Variants in FMN1 observed in about 807,000 individuals in gnomAD.
The protein encoded by FMN1 is formin-1.
A neutral mutation model predicts 132.4 loss-of-function variants in FMN1; 110 were observed. The ratio of observed to expected loss-of-function variants is 0.83; its 90% CI spans 0.71 to 0.97. The LOEUF is 0.97. FMN1 is among the 50% of genes least tolerant of loss of function. The pLI, the probability that FMN1 is intolerant of heterozygous loss-of-function variation, is 0.00. For missense variants in FMN1, 1,792 were observed against 1,705.3 expected (o/e 1.05, Z -0.90); for synonymous variants, 722 against 651.7 (o/e 1.11, Z -1.64).
At chr15:32,784,893 C>T (rs2056800427) in intron 19 of FMN1, among the ~76,000 whole-genome samples, 1 of 152,124 alleles carries the variant, frequency 6.6e-6, no homozygotes. Context: ...ATGCAACTTT[C>T]CAATGTCTAT....
intron 9 of FMN1, among the ~76,000 whole-genome samples, chr15:32,952,696 T>A (rs2061680275): frequency 6.6e-6 from 1 of 152,322 alleles, no homozygotes; most frequent in African/African-American, 2.4e-5. Context: ...GTACTATTTT[T>A]AAAGACCTCC....
chr15:32,936,087 C>G lies in FMN1; in HGVS notation c.3139-9826G>C, dbSNP rs563125033. On this transcript the variant is annotated intron_variant, in intron 9 of 20. Coordinates refer to ENST00000616417, the MANE Select transcript of FMN1 (RefSeq NM_001277313.2). ...CTTTAGCCCCAATATTTGTTTGGTT[C>G]TTCATAATATTTTCTATTTCTTTGT... Among the ~76,000 whole-genome samples the G allele has an allele frequency of 2.0e-5, 3 of 152,220 alleles. No individual in the cohort carries two copies. The South Asian group carries it at 6.2e-4, about 32-fold the overall frequency.
chr15:33,128,195 G>C (rs1446856118), intron 4 of FMN1, among the ~76,000 whole-genome samples: 4 of 151,942 alleles, frequency 2.6e-5, no homozygotes, highest in Non-Finnish European at 5.9e-5. Flanking sequence ...ATTGCTCCCG[G>C]GAAAAAAAGC....
Position 32,969,304 on chromosome 15 carries a change from G to C in FMN1, c.2397C>G (p.Thr799=). The C allele has an allele frequency of 7.4e-6, 12 of 1,613,944 alleles. No individual in the cohort carries two copies. Among genetic ancestry groups the C allele is most frequent in the Non-Finnish European group, 1.0e-5 (12 of 1,179,886 alleles). ...ISTDDDCPPK[T]FRNVCVQTDR... ...CTGTCTGGACGCACACATTTCTGAA[G>C]GTCTTTGGAGGGCAGTCATCATCGG... is the stretch of plus-strand genomic sequence containing the variant. Residue 799 remains threonine (T), a synonymous_variant, in exon 8 of 21, where the codon ACC becomes ACG. Coordinates refer to ENST00000616417, the MANE Select transcript of FMN1 (RefSeq NM_001277313.2).
At chr15:33,033,114 T>C (rs1321911801) in intron 6 of FMN1, among the ~76,000 whole-genome samples, 2 of 152,042 alleles carry the variant, frequency 1.3e-5, no homozygotes, top group Admixed American at 6.5e-5. Flanking sequence ...CACTGCAAGC[T>C]CTGCCTCCTG....
At chr15:32,977,189 CTGG>C (rs1421127149) in intron 7 of FMN1, among the ~76,000 whole-genome samples, 1 of 152,088 alleles carries the variant, frequency 6.6e-6, no homozygotes, top group African/African-American at 2.4e-5. Flanking sequence ...TGTGAGAATA[CTGG>C]TATTGTGGCT....
At chr15:33,026,092 G>C (rs1161354158) in intron 6 of FMN1, among the ~76,000 whole-genome samples, 7 of 114,158 alleles carry the variant, frequency 6.1e-5, no homozygotes, top group African/African-American at 1.9e-4. Flanking sequence ...ATATTGCTTA[G>C]GCATACACAC....
intron 9 of FMN1, among the ~76,000 whole-genome samples, chr15:32,960,452 T>C (rs1382187343): frequency 6.6e-6 from 1 of 152,138 alleles, no homozygotes; most frequent in African/African-American, 2.4e-5. Context: ...TTCCATGCAA[T>C]ATAGCCTTTT....
chr15:32,971,408 C>T (rs1397818318), intron 7 of FMN1, among the ~76,000 whole-genome samples: 1 of 152,126 alleles, frequency 6.6e-6, no homozygotes, highest in Non-Finnish European at 1.5e-5. Context: ...GTTTACCTAG[C>T]CTTTTGTGAG....
intron 10 of FMN1, among the ~76,000 whole-genome samples, chr15:32,916,135 A>C (rs1311738875): frequency 6.6e-6 from 1 of 152,222 alleles, no homozygotes; most frequent in Non-Finnish European, 1.5e-5. Context: ...TCACAAATTC[A>C]AACTAACAGG....
At chr15:32,984,724 A>G (rs1006428479) in intron 7 of FMN1, among the ~76,000 whole-genome samples, 4 of 152,160 alleles carry the variant, frequency 2.6e-5, no homozygotes, top group African/African-American at 9.7e-5. Flanking sequence ...GCGTGAACAC[A>G]TTGTGGCTAA....
chr15:33,041,362 C>G (rs1403723178), intron 6 of FMN1, among the ~76,000 whole-genome samples: 1 of 139,998 alleles, frequency 7.1e-6, no homozygotes, highest in Non-Finnish European at 1.5e-5. Context: ...ACTTCTTGTT[C>G]AGCTTTCTTT....
At chr15:32,859,766 G>A (rs528103291) in intron 16 of FMN1, among the ~76,000 whole-genome samples, 7 of 152,290 alleles carry the variant, frequency 4.6e-5, no homozygotes, top group East Asian at 3.9e-4. Flanking sequence ...GCTGAATGTC[G>A]TGGTTCGCAC....
rs2056076240 is a variant in FMN1 at position 32,767,165 on chromosome 15, A to G, written c.*7145T>C. The G allele has an allele frequency of 6.6e-6, 1 of 152,204 alleles. No individual in the cohort carries two copies. The highest frequency in any genetic ancestry group is 2.1e-4 in the South Asian group (1 of 4,830). The allele number at this position is 152,204 out of a possible 1,614,324, so 9.4% of individuals were successfully genotyped here. On this transcript the variant is annotated 3_prime_UTR_variant, in exon 21 of 21. Coordinates refer to ENST00000616417, the MANE Select transcript of FMN1 (RefSeq NM_001277313.2). ...CACCAGCTCCCTAACAATGTAATCT[A>G]TCAGCAAAACATTGCACTAGCCTCG...
At chr15:32,910,381 A>G in intron 11 of FMN1, 93 bp downstream of exon 11, 1 of 1,054,984 alleles carries the variant, frequency 9.5e-7, no homozygotes, top group Non-Finnish European at 1.4e-6. Context: ...GCCACGTCAA[A>G]ACCCTTACTA....
rs2056018609 is a variant in FMN1, at chr15:32,765,583, A to G, written c.*8727T>C. On this transcript the variant is annotated 3_prime_UTR_variant, in exon 21 of 21. Coordinates refer to ENST00000616417, the MANE Select transcript of FMN1 (RefSeq NM_001277313.2). The stretch of plus-strand genomic sequence containing the variant: ...AGATTTATTAAAATACCCTTAGCAT[A>G]TTTACAATTGAAAGCCATGAATGCA... 1 of 152,202 alleles carries G rather than the reference A, an allele frequency of 6.6e-6. No individual in the cohort carries two copies. The highest frequency in any genetic ancestry group is 2.4e-5 in the African/African-American group (1 of 41,446). The allele number at this position is 152,202 out of a possible 1,614,324, so 9.4% of individuals were successfully genotyped here.
At chr15:32,860,069 GAAAGGC>G (rs538150484) in intron 16 of FMN1, among the ~76,000 whole-genome samples, 132 of 147,214 alleles carry the variant, frequency 9.0e-4, no homozygotes, top group Middle Eastern at 6.9e-3. Flanking sequence ...AAGGAGGAAA[GAAAGGC>G]AAAGGCAAAG....
intron 3 of FMN1, among the ~76,000 whole-genome samples, chr15:33,171,990 A>T (rs1383380295): frequency 2.6e-5 from 4 of 152,116 alleles, no homozygotes; most frequent in African/African-American, 9.7e-5. Context: ...CGGGTGGATC[A>T]CGAGGTCAGG....
rs567346940 is a variant in FMN1, at chr15:33,085,514, AAT to A, written c.2043+3283_2043+3284del. On this transcript the variant is annotated intron_variant, in intron 5 of 20. Coordinates refer to ENST00000616417, the MANE Select transcript of FMN1 (RefSeq NM_001277313.2). The stretch of plus-strand genomic sequence containing the variant: ...TAATTACACAGTATTTATATATACA[AAT>A]ATATATATCACATGTATTTATACAT... Among the ~76,000 whole-genome samples, 342 of 150,390 alleles carry A rather than the reference AAT, an allele frequency of 2.3e-3. 7 individuals carry two copies. The highest frequency in any genetic ancestry group is 7.6e-3 in the African/African-American group (315 of 41,192).
Sources: allele counts gnomAD v4.1 joint callset (sites outside exome capture counted in the v4.1 genomes callset), GRCh38; gene constraint gnomAD v4.1.1; transcripts MANE v1.5; gene names NCBI Gene and HGNC (gene_info 2026-07-23, HGNC 2026-07-21).